The following SEC11C variants were observed in gnomAD, a reference collection of about 807,000 sequenced individuals.
The protein encoded by SEC11C is SEC11 homolog C, signal peptidase complex subunit.
In SEC11C, 10 loss-of-function variants were observed where a neutral mutation model predicts 21.9. That is an observed-to-expected ratio of 0.46 (90% confidence interval 0.28 to 0.77). SEC11C has a LOEUF of 0.77. Among genes scored for constraint, SEC11C ranks in the 30% least tolerant of loss-of-function variants. The pLI, the probability that SEC11C is intolerant of heterozygous loss-of-function variation, is 0.12. For missense variants in SEC11C, 145 were observed against 244.5 expected (o/e 0.59, Z 2.71); for synonymous variants, 83 against 85.6 (o/e 0.97, Z 0.17).
At chr18:59,151,884 A>C (rs1392960719) in intron 2 of SEC11C, among the ~76,000 whole-genome samples, 1 of 152,232 alleles carries the variant, frequency 6.6e-6, no homozygotes, top group Non-Finnish European at 1.5e-5. Flanking sequence ...TTTACTTTGA[A>C]TCCGCCAAAG....
intron 5 of SEC11C, among the ~76,000 whole-genome samples, chr18:59,158,272 T>G (rs1478496079): frequency 6.6e-6 from 1 of 152,162 alleles, no homozygotes; most frequent in Non-Finnish European, 1.5e-5. Context: ...CACAGCCTGG[T>G]CTCGAACTCC....
intron 5 of SEC11C, among the ~76,000 whole-genome samples, chr18:59,158,222 A>G (rs1387168417): frequency 3.3e-5 from 5 of 151,902 alleles, no homozygotes; most frequent in African/African-American, 1.2e-4. Flanking sequence ...CACCCAGCTC[A>G]TTTCTGTATT....
rs1250136500 is a variant in SEC11C at position 59,139,955 on chromosome 18, C to T, written c.7C>T (p.Arg3Cys). The change falls in exon 1 of 6, where the codon CGT becomes TGT. Residue 3 changes from arginine (R) to cysteine (C), a missense_variant. Coordinates refer to ENST00000587834, the MANE Select transcript of SEC11C (RefSeq NM_033280.4). Reference protein sequence around the residue: MVRAGAVGAHLPA... With the variant: MVCAGAVGAHLPA... ...GGTCCCCGGAGACCCTGCTATGGTGCGTGCGGGCGCCGTGGGGGCTCATCT... is the reference window on the plus strand; with the variant it reads ...GGTCCCCGGAGACCCTGCTATGGTGTGTGCGGGCGCCGTGGGGGCTCATCT... 3 of 1,585,192 alleles carry T rather than the reference C, an allele frequency of 1.9e-6. No homozygotes were observed. The highest frequency in any genetic ancestry group is 1.7e-5 in the Admixed American group (1 of 58,100).
chr18:59,148,582 T>G (rs1265772244), intron 1 of SEC11C, among the ~76,000 whole-genome samples: 2 of 151,464 alleles, frequency 1.3e-5, no homozygotes, highest in African/African-American at 4.8e-5. Flanking sequence ...TAACTAGTGC[T>G]TATGCATCAA....
At chr18:59,144,026 G>A (rs761313359) in intron 1 of SEC11C, among the ~76,000 whole-genome samples, 18 of 151,858 alleles carry the variant, frequency 1.2e-4, no homozygotes, top group Non-Finnish European at 2.6e-4. Flanking sequence ...GCTAATTTTT[G>A]CATCTTTAGT....
intron 3 of SEC11C, among the ~76,000 whole-genome samples, chr18:59,155,370 A>C (rs2069407501): frequency 6.6e-6 from 1 of 152,254 alleles, no homozygotes; most frequent in Non-Finnish European, 1.5e-5. Flanking sequence ...CGTCATTCCC[A>C]GAAGCCATGT....
chr18:59,148,920 T>C (rs779309596), intron 1 of SEC11C, among the ~76,000 whole-genome samples: 10 of 152,244 alleles, frequency 6.6e-5, no homozygotes, highest in Non-Finnish European at 1.2e-4. Context: ...CAGCCCCACC[T>C]GTGCTCTTAA....
intron 3 of SEC11C, among the ~76,000 whole-genome samples, chr18:59,155,287 A>G (rs191267499): frequency 7.9e-5 from 12 of 152,328 alleles, no homozygotes; most frequent in Admixed American, 4.6e-4. Flanking sequence ...GGTGATTCAC[A>G]TGATTTTGCC....
chr18:59,149,660 A>G, intron 2 of SEC11C, 38 bp downstream of exon 2: 1 of 1,362,634 alleles, frequency 7.3e-7, no homozygotes, highest in Non-Finnish European at 1.0e-6. Context: ...TCCAACCTCC[A>G]TCACAAGGCT....
At chr18:59,158,305 C>T (rs1271451957) in intron 5 of SEC11C, among the ~76,000 whole-genome samples, 1 of 152,158 alleles carries the variant, frequency 6.6e-6, no homozygotes, top group Admixed American at 6.5e-5. Flanking sequence ...ATCTGCCCGC[C>T]TTGGCTTCCC....
At chr18:59,156,513 T>G (rs1391333157) in intron 4 of SEC11C, 1 of 152,254 alleles carries the variant, frequency 6.6e-6, no homozygotes, top group Non-Finnish European at 1.5e-5. Context: ...ACTTAGATTA[T>G]TTCCTGTTTT....
intron 1 of SEC11C, among the ~76,000 whole-genome samples, chr18:59,144,798 A>G (rs1028162199): frequency 3.3e-5 from 5 of 150,296 alleles, no homozygotes; most frequent in African/African-American, 1.2e-4. Flanking sequence ...GGGTAGAGGC[A>G]GGATTATTGG....
At chr18:59,154,126 G>A (rs754845070) in intron 3 of SEC11C, among the ~76,000 whole-genome samples, 1 of 152,162 alleles carries the variant, frequency 6.6e-6, no homozygotes, top group Non-Finnish European at 1.5e-5. Context: ...CTGTACTAAC[G>A]GTTACTTGAT....
At chr18:59,155,876 T>G in intron 4 of SEC11C, 69 bp downstream of exon 4, 1 of 1,548,028 alleles carries the variant, frequency 6.5e-7, no homozygotes, top group East Asian at 2.3e-5. Context: ...ATTAAATCAA[T>G]AGGCTAATGA....
At chr18:59,155,936 T>A in intron 4 of SEC11C, 129 bp downstream of exon 4, 1 of 1,109,544 alleles carries the variant, frequency 9.0e-7, no homozygotes, top group Non-Finnish European at 1.3e-6. Context: ...GCAGTTCTAG[T>A]TTATCCTGTG....
chr18:59,143,388 A>G (rs1405528487), intron 1 of SEC11C, among the ~76,000 whole-genome samples: 2 of 151,312 alleles, frequency 1.3e-5, no homozygotes, highest in Non-Finnish European at 1.5e-5. Context: ...GTGTAACTTT[A>G]ATGTTGAATT....
At chr18:59,150,552 C>T (rs72968243) in intron 2 of SEC11C, among the ~76,000 whole-genome samples, 11,235 of 152,206 alleles carry the variant, frequency 0.074, 679 homozygotes, top group African/African-American at 0.17. Flanking sequence ...ACCTCCGACC[C>T]ACTCGTGTTC....
intron 1 of SEC11C, among the ~76,000 whole-genome samples, chr18:59,142,243 A>G (rs114587888): frequency 6.7e-4 from 102 of 152,350 alleles, no homozygotes; most frequent in African/African-American, 2.4e-3. Context: ...CTTAGCAGGT[A>G]GATGGCTTGC....
At chr18:59,150,840 C>T (rs2069342097) in intron 2 of SEC11C, among the ~76,000 whole-genome samples, 1 of 152,158 alleles carries the variant, frequency 6.6e-6, no homozygotes, top group South Asian at 2.1e-4. Context: ...GAGGCCAAGC[C>T]TCAAGCATCT....
Sources: allele counts gnomAD v4.1 joint callset (sites outside exome capture counted in the v4.1 genomes callset), GRCh38; gene constraint gnomAD v4.1.1; transcripts MANE v1.5; gene names NCBI Gene and HGNC (gene_info 2026-07-23, HGNC 2026-07-21).